Variants in TRMT61B observed in about 807,000 individuals in gnomAD.
The protein encoded by TRMT61B is tRNA (adenine(58)-N(1))-methyltransferase, mitochondrial.
In TRMT61B, 56 loss-of-function variants were observed where a neutral mutation model predicts 52.0. The ratio of observed to expected loss-of-function variants is 1.08; its 90% CI spans 0.87 to 1.35. TRMT61B has a LOEUF of 1.35. Among genes scored for constraint, TRMT61B ranks in the 40% most tolerant of loss-of-function variants. TRMT61B has a pLI of 0.00. For missense variants in TRMT61B, 650 were observed against 577.9 expected, an observed-to-expected ratio of 1.12 and a Z score of -1.28; for synonymous variants, 206 against 220.0, an observed-to-expected ratio of 0.94 and a Z score of 0.56.
Position 28,865,123 on chromosome 2 carries a change from T to C in TRMT61B, c.700-4A>G, listed in dbSNP as rs1572552765. The C allele has an allele frequency of 6.4e-7, 1 of 1,561,524 alleles. No homozygotes were observed. Among genetic ancestry groups the C allele is most frequent in the Non-Finnish European group, 8.8e-7 (1 of 1,132,994 alleles). Reference sequence around the variant, plus strand: ...TTGAGAGAATCATATTAATATCCTATGATTGAAAACAGTATGGGTGACTCA... The same window carrying C: ...TTGAGAGAATCATATTAATATCCTACGATTGAAAACAGTATGGGTGACTCA... On this transcript the variant is annotated splice_polypyrimidine_tract_variant and splice_region_variant and intron_variant, in intron 1 of 6. Transcript: ENST00000306108.
chr2:28,857,679 C>G (rs1295942337), intron 3 of TRMT61B, among the ~76,000 whole-genome samples: 1 of 152,132 alleles, frequency 6.6e-6, no homozygotes, highest in Admixed American at 6.6e-5. Flanking sequence ...AAGTGACTTA[C>G]CCAAGGTTAC....
chr2:28,857,106 A>T (rs1364220479), intron 3 of TRMT61B, among the ~76,000 whole-genome samples: 1 of 151,088 alleles, frequency 6.6e-6, no homozygotes. Context: ...GCTAATTTTT[A>T]TACCTTTAGT....
chr2:28,850,714 C>T (rs1395128607), intron 5 of TRMT61B: 5 of 313,808 alleles, frequency 1.6e-5, no homozygotes, highest in Non-Finnish European at 2.9e-5. Context: ...TTCAAGAATT[C>T]CAGCAGCATC....
At chr2:28,856,382 T>C (rs1669342956) in intron 3 of TRMT61B, among the ~76,000 whole-genome samples, 1 of 152,228 alleles carries the variant, frequency 6.6e-6, no homozygotes, top group Non-Finnish European at 1.5e-5. Flanking sequence ...AATACCTTTC[T>C]GCATAGACTC....
At chr2:28,850,902 G>A (rs1669065596) in intron 5 of TRMT61B, among the ~76,000 whole-genome samples, 170 bp downstream of exon 5, 1 of 152,158 alleles carries the variant, frequency 6.6e-6, no homozygotes, top group Non-Finnish European at 1.5e-5. Flanking sequence ...AGAGTTTTAA[G>A]TAAAAGGCAG....
chr2:28,854,936 G>A (rs1356372169), intron 3 of TRMT61B, among the ~76,000 whole-genome samples: 6 of 151,830 alleles, frequency 4.0e-5, no homozygotes, highest in Non-Finnish European at 5.9e-5. Context: ...AACAAAATAA[G>A]CAGAGAAAGA....
rs1670025014 is a variant in TRMT61B, at chr2:28,870,186, G to A, written c.92C>T (p.Pro31Leu). The A allele has an allele frequency of 3.7e-6, 6 of 1,613,216 alleles. No individual in the cohort carries two copies. The highest frequency in any genetic ancestry group is 5.1e-6 in the Non-Finnish European group (6 of 1,180,034). Residue 31 changes from proline to leucine, a missense_variant, in exon 1 of 7, where the codon CCC becomes CTC. Physicochemically the swap from Pro to Leu is moderately conservative, Grantham distance 98. Transcript: ENST00000306108. ...NSFLHGLGQE[P>L]FEGARSLCCR... ...ACACAGTGACCGAGCTCCCTCGAAG[G>A]GCTCCTGCCCCAGGCCGTGCAGGAA... is the stretch of plus-strand genomic sequence containing the variant.
At chr2:28,865,548 T>C (rs1008604983) in intron 1 of TRMT61B, among the ~76,000 whole-genome samples, 1 of 152,076 alleles carries the variant, frequency 6.6e-6, no homozygotes, top group Non-Finnish European at 1.5e-5. Context: ...ACTGAGGTGA[T>C]ATAAATGGCA....
intron 1 of TRMT61B, among the ~76,000 whole-genome samples, chr2:28,868,234 T>C (rs1669931445): frequency 6.6e-6 from 1 of 152,132 alleles, no homozygotes; most frequent in South Asian, 2.1e-4. Flanking sequence ...TCTGACCCAT[T>C]GAGGCCACAA....
At chr2:28,864,868 G>A in intron 2 of TRMT61B, 149 bp downstream of exon 2, 1 of 574,046 alleles carries the variant, frequency 1.7e-6, no homozygotes, top group Non-Finnish European at 3.1e-6. Context: ...GTACAGAATG[G>A]AAAGAAAAAT....
intron 3 of TRMT61B, among the ~76,000 whole-genome samples, chr2:28,857,839 G>T (rs1669412568): frequency 6.6e-6 from 1 of 152,110 alleles, no homozygotes; most frequent in Admixed American, 6.6e-5. Context: ...TACAACATAT[G>T]TATATAGCTA....
At chr2:28,866,855 G>A (rs182416336) in intron 1 of TRMT61B, among the ~76,000 whole-genome samples, 1 of 152,244 alleles carries the variant, frequency 6.6e-6, no homozygotes, top group East Asian at 1.9e-4. Context: ...GAGTGTAGTA[G>A]TGCAATAGTA....
chr2:28,851,021 G>C, intron 5 of TRMT61B, 51 bp downstream of exon 5: 2 of 1,194,966 alleles, frequency 1.7e-6, no homozygotes, highest in Non-Finnish European at 2.4e-6. Context: ...GTATACTCAG[G>C]AACTCATTCT....
chr2:28,870,265 A>G lies in TRMT61B; in HGVS notation c.13T>C (p.Trp5Arg). 1 of 1,591,742 alleles carries G rather than the reference A, an allele frequency of 6.3e-7. No individual in the cohort carries two copies. The highest frequency in any genetic ancestry group is 8.5e-7 in the Non-Finnish European group (1 of 1,171,264). ...CACAGCAAGACAGGACCGCGGCACCATGCCATTAGCATAGTGTTTCGCGAA... is the reference window on the plus strand; with the variant it reads ...CACAGCAAGACAGGACCGCGGCACCGTGCCATTAGCATAGTGTTTCGCGAA... MLMA[W>R]CRGPVLLCLR... The change falls in exon 1 of 7, where the codon TGG becomes CGG. Residue 5 changes from tryptophan (W) to arginine (R), a missense_variant. Trp to Arg is a moderately radical substitution (Grantham distance 101). Transcript: ENST00000306108.
chr2:28,861,761 C>A (rs111319881), intron 2 of TRMT61B, among the ~76,000 whole-genome samples: 4 of 152,296 alleles, frequency 2.6e-5, no homozygotes, highest in African/African-American at 9.6e-5. Context: ...ATACCTAAGT[C>A]TTTGTATCAA....
chr2:28,866,988 G>T (rs1424988041), intron 1 of TRMT61B, among the ~76,000 whole-genome samples: 1 of 151,308 alleles, frequency 6.6e-6, no homozygotes, highest in Non-Finnish European at 1.5e-5. Flanking sequence ...TTATAAAGAT[G>T]GGGTCCTGCT....
chr2:28,861,007 G>A, intron 3 of TRMT61B, 111 bp downstream of exon 3: 1 of 880,358 alleles, frequency 1.1e-6, no homozygotes, highest in Non-Finnish European at 1.7e-6. Flanking sequence ...TCAATCCCTA[G>A]AGATAGACAT....
rs913647076 is a variant in TRMT61B, at chr2:28,869,637, G to A, written c.641C>T (p.Pro214Leu). Residue 214 changes from proline (P) to leucine (L), a missense_variant, in exon 1 of 7, where the codon CCA becomes CTA. Pro to Leu is a moderately conservative substitution (Grantham distance 98). Coordinates refer to ENST00000306108, the MANE Select transcript of TRMT61B (RefSeq NM_017910.4). Reference protein sequence around the residue: ...SFGKQYMLRRPALEDYVVLMK... With the variant: ...SFGKQYMLRRLALEDYVVLMK... ...CAATACTACATAGTCTTCCAAGGCTGGCCTCCTCAGCATGTACTGCTTACC... is the reference window on the plus strand; with the variant it reads ...CAATACTACATAGTCTTCCAAGGCTAGCCTCCTCAGCATGTACTGCTTACC... The A allele has an allele frequency of 6.2e-7, 1 of 1,614,128 alleles. No individual in the cohort carries two copies. The highest frequency in any genetic ancestry group is 8.5e-7 in the Non-Finnish European group (1 of 1,180,008).
intron 5 of TRMT61B, 21 bp from the exon 6 acceptor site, chr2:28,850,426 T>G (rs1669028906): frequency 7.0e-7 from 1 of 1,428,578 alleles, no homozygotes. Context: ...AAAATATATG[T>G]ACTATAAGCT....
Sources: allele counts gnomAD v4.1 joint callset (sites outside exome capture counted in the v4.1 genomes callset), GRCh38; gene constraint gnomAD v4.1.1; transcripts MANE v1.5; gene names NCBI Gene and HGNC (gene_info 2026-07-23, HGNC 2026-07-21).